DYSF: variants seen among roughly 807,000 people sequenced by gnomAD.
DYSF encodes dysferlin, also known as dystrophy-associated fer-1-like 1.
A neutral mutation model predicts 274.9 loss-of-function variants in DYSF; 212 were observed. The ratio of observed to expected loss-of-function variants is 0.77; its 90% CI spans 0.69 to 0.86. The LOEUF (loss-of-function observed/expected upper bound fraction) is 0.86. Among genes scored for constraint, DYSF ranks in the 40% least tolerant of loss-of-function variants. DYSF has a pLI of 0.00. For missense variants in DYSF, 2,666 were observed against 2,783.2 expected, an observed-to-expected ratio of 0.96 and a Z score of 0.95; for synonymous variants, 1,091 against 1,078.7, an observed-to-expected ratio of 1.01 and a Z score of -0.22.
In DYSF at chr2:71,640,217, C is replaced by A. The variant is rs576866896; in HGVS notation, c.4528-3748C>A. ...CAGAGGCACCTATATGTGCAAGAGC[C>A]CAGAAGGGAGAAAGCCTGATACTGT... On this transcript the variant is annotated intron_variant, in intron 41 of 55. Transcript: ENST00000410020. Among the ~76,000 whole-genome samples the A allele has an allele frequency of 2.0e-4, 31 of 152,232 alleles. No individual in the cohort carries two copies. The South Asian group carries it at 5.4e-3, about 27-fold the overall frequency.
intron 40 of DYSF, among the ~76,000 whole-genome samples, chr2:71,617,258 T>A (rs1439620115): frequency 1.3e-5 from 2 of 152,230 alleles, no homozygotes; most frequent in African/African-American, 4.8e-5. Context: ...AAGTTCCGAC[T>A]CTGGTCACAA....
At chr2:71,566,443 A>G (rs1198373358) in intron 24 of DYSF, among the ~76,000 whole-genome samples, 1 of 151,880 alleles carries the variant, frequency 6.6e-6, no homozygotes, top group Non-Finnish European at 1.5e-5. Context: ...GCTCCTGAGC[A>G]AGCTCTACAA....
chr2:71,550,908 T>C, intron 17 of DYSF, 133 bp from the exon 18 acceptor site: 2 of 740,816 alleles, frequency 2.7e-6, no homozygotes, highest in Admixed American at 2.0e-5. Flanking sequence ...CTTTATACAC[T>C]GACAGGAGCT....
At chr2:71,634,817 T>G (rs1476861711) in intron 41 of DYSF, among the ~76,000 whole-genome samples, 1 of 152,202 alleles carries the variant, frequency 6.6e-6, no homozygotes, top group Admixed American at 6.5e-5. Flanking sequence ...ATGTGTCTAC[T>G]CTGACATTTA....
chr2:71,496,903 A>G (rs116633301), intron 3 of DYSF, among the ~76,000 whole-genome samples: 7,908 of 152,302 alleles, frequency 0.052, 256 homozygotes, highest in African/African-American at 0.11. Context: ...TGTTTCTTTC[A>G]TGATGCACTC....
chr2:71,654,751 T>C (rs923827973), intron 42 of DYSF, among the ~76,000 whole-genome samples: 1 of 152,030 alleles, frequency 6.6e-6, no homozygotes, highest in Non-Finnish European at 1.5e-5. Flanking sequence ...TTTTTGACCT[T>C]GCAAAGATTT....
At chr2:71,532,851 T>TCTAG (rs1184378085) in intron 14 of DYSF, among the ~76,000 whole-genome samples, 1 of 143,574 alleles carries the variant, frequency 7.0e-6, no homozygotes, top group Admixed American at 7.3e-5. Flanking sequence ...TATCTATCTA[T>TCTAG]CTATCTATCT....
intron 3 of DYSF, among the ~76,000 whole-genome samples, chr2:71,482,445 T>C (rs1406454080): frequency 6.6e-6 from 1 of 152,072 alleles, no homozygotes; most frequent in Non-Finnish European, 1.5e-5. Flanking sequence ...AGATTCGTGG[T>C]TTAGAAATCA....
At chr2:71,611,664 T>G in intron 38 of DYSF, 38 bp downstream of exon 38, 2 of 1,605,884 alleles carry the variant, frequency 1.2e-6, no homozygotes, top group Non-Finnish European at 1.7e-6. Context: ...TCCAGAGTCC[T>G]GGGGCTAGAA....
Position 71,528,400 on chromosome 2 carries a change from T to C in DYSF, c.1379T>C (p.Met460Thr), listed in dbSNP as rs376144240. The C allele has an allele frequency of 2.5e-6, 4 of 1,612,760 alleles. No homozygotes were observed. The African/African-American group carries it at 5.4e-5, about 22-fold the overall frequency. ...PFVEVSFAGK[M>T]LCSKILEKTA... The stretch of plus-strand genomic sequence containing the variant: ...GTGGAGGTCAGCTTTGCGGGGAAAA[T>C]GGTAAGGAGCAAGGGAGCAGGAGGG... Residue 460 changes from methionine (M) to threonine (T), a missense_variant and splice_region_variant, in exon 14 of 56, where the codon ATG (methionine) becomes ACG (threonine). This residue lies in a region of DYSF where 794 missense variants were observed against 777.1 expected (regional missense o/e 1.02). Transcript: ENST00000410020.
At chr2:71,489,751 C>T (rs2083667527) in intron 3 of DYSF, among the ~76,000 whole-genome samples, 1 of 152,120 alleles carries the variant, frequency 6.6e-6, no homozygotes, top group Non-Finnish European at 1.5e-5. Context: ...GGCAGGTATT[C>T]TAATTCTCAG....
At chr2:71,570,029 C>A in intron 27 of DYSF, 95 bp downstream of exon 27, 1 of 1,235,852 alleles carries the variant, frequency 8.1e-7, no homozygotes, top group Non-Finnish European at 1.2e-6. Flanking sequence ...TCTCTTTGCC[C>A]CCTCTTACCT....
chr2:71,601,531 A>C lies in DYSF; in HGVS notation c.3927+3A>C. 1 of 1,614,176 alleles carries C rather than the reference A, an allele frequency of 6.2e-7. No homozygotes were observed. Among genetic ancestry groups the C allele is most frequent in the Non-Finnish European group, 8.5e-7 (1 of 1,180,034 alleles). ...TCCACCATATTCCTGGTTTTGAGGTAAGTCTTGCTCTGACCTTTCCTTCTT... is the reference window on the plus strand; with the variant it reads ...TCCACCATATTCCTGGTTTTGAGGTCAGTCTTGCTCTGACCTTTCCTTCTT... On this transcript the variant is annotated splice_donor_region_variant and intron_variant, in intron 35 of 55. Coordinates refer to ENST00000410020, the MANE Select transcript of DYSF (RefSeq NM_001130987.2).
intron 49 of DYSF, 128 bp downstream of exon 49, chr2:71,668,970 C>A: frequency 7.6e-7 from 1 of 1,313,106 alleles, no homozygotes; most frequent in Non-Finnish European, 1.1e-6. Flanking sequence ...GAATACAGTT[C>A]TCGTTTGGGC....
intron 46 of DYSF, 65 bp downstream of exon 46, chr2:71,664,503 C>T (rs1202855834): frequency 2.5e-6 from 4 of 1,588,184 alleles, no homozygotes; most frequent in Non-Finnish European, 3.4e-6. Flanking sequence ...TCTCTGACAA[C>T]ACACCACCAC....
chr2:71,632,303 C>T (rs1409930421), intron 41 of DYSF, among the ~76,000 whole-genome samples: 8 of 152,142 alleles, frequency 5.3e-5, no homozygotes, highest in Admixed American at 3.9e-4. Context: ...AACCAAGGCA[C>T]AGGGAAATCA....
chr2:71,617,830 G>T (rs1484805270), intron 40 of DYSF, among the ~76,000 whole-genome samples: 2 of 135,346 alleles, frequency 1.5e-5, no homozygotes, highest in Non-Finnish European at 3.2e-5. Context: ...TAGAGGTGGG[G>T]TATAAGTGTG....
At chr2:71,501,060 C>T (rs1005701973) in intron 3 of DYSF, among the ~76,000 whole-genome samples, 2 of 152,100 alleles carry the variant, frequency 1.3e-5, no homozygotes, top group African/African-American at 2.4e-5. Flanking sequence ...TGGCACCAGC[C>T]CCTAGGATGG....
At chr2:71,511,773 C>A in intron 4 of DYSF, 34 bp from the exon 5 acceptor site, 2 of 1,325,662 alleles carry the variant, frequency 1.5e-6, no homozygotes, top group Non-Finnish European at 2.1e-6. Flanking sequence ...GAGGCCAGCG[C>A]ACCAACCTGT....
Sources: allele counts gnomAD v4.1 joint callset (sites outside exome capture counted in the v4.1 genomes callset), GRCh38; gene constraint gnomAD v4.1.1; regional missense constraint gnomAD v4.1.1; transcripts MANE v1.5; gene names NCBI Gene and HGNC (gene_info 2026-07-23, HGNC 2026-07-21).